The following RAB27B variants were observed in gnomAD, a reference collection of about 807,000 sequenced individuals.
RAB27B encodes the protein RAB27B, member RAS oncogene family.
RAB27B carries 15 observed loss-of-function variants against 24.6 expected under a neutral mutation model. The ratio of observed to expected loss-of-function variants is 0.61; its 90% CI spans 0.41 to 0.94. The LOEUF is 0.94. Ranked by LOEUF, RAB27B falls within the 40% of genes least tolerant of loss-of-function variation. RAB27B has a pLI of 0.00. For missense variants in RAB27B, 261 were observed against 266.8 expected, an observed-to-expected ratio of 0.98 and a Z score of 0.15; for synonymous variants, 105 against 92.5, an observed-to-expected ratio of 1.14 and a Z score of -0.78.
chr18:54,815,796 G>C (rs1289734105), intron 2 of RAB27B, among the ~76,000 whole-genome samples: 1 of 152,014 alleles, frequency 6.6e-6, no homozygotes, highest in Non-Finnish European at 1.5e-5. Context: ...AGCTAATTTT[G>C]TATTTTTAGT....
At chr18:54,881,294 AG>A (rs1433086649) in intron 3 of RAB27B, among the ~76,000 whole-genome samples, 1 of 151,996 alleles carries the variant, frequency 6.6e-6, no homozygotes, top group African/African-American at 2.4e-5. Flanking sequence ...TTGAAGTAGT[AG>A]TTTTATTAGA....
intron 3 of RAB27B, among the ~76,000 whole-genome samples, chr18:54,883,552 T>C (rs1913012115): frequency 6.6e-6 from 1 of 152,134 alleles, no homozygotes; most frequent in South Asian, 2.1e-4. Context: ...TCTCAGCACA[T>C]CTTTAACTTC....
upstream of RAB27B, among the ~76,000 whole-genome samples, chr18:54,825,552 T>C (rs1267643746): frequency 6.6e-6 from 1 of 152,230 alleles, no homozygotes; most frequent in African/African-American, 2.4e-5. Flanking sequence ...CTGTCAGTTT[T>C]TTTGTAAATG....
At chr18:54,841,458 T>G (rs1219935669) in intron 1 of RAB27B, among the ~76,000 whole-genome samples, 1 of 152,170 alleles carries the variant, frequency 6.6e-6, no homozygotes, top group African/African-American at 2.4e-5. Context: ...CACATGTGGA[T>G]TTTAGTATCC....
At chr18:54,874,999 G>A (rs1598984553) in intron 1 of RAB27B, among the ~76,000 whole-genome samples, 1 of 152,266 alleles carries the variant, frequency 6.6e-6, no homozygotes, top group East Asian at 1.9e-4. Flanking sequence ...AATAAGAGCA[G>A]CAACATATTC....
At position 54,818,218 on chromosome 18, in the gene RAB27B, C is replaced by A. The variant is rs1049884970; in HGVS notation, c.-19-59349C>A. ...ATGTATTTGTAATGGTATTGCAATGCCCTTCCTAAAGAGTTAGGGTGGGTC... is the reference window on the plus strand; with the variant it reads ...ATGTATTTGTAATGGTATTGCAATGACCTTCCTAAAGAGTTAGGGTGGGTC... On this transcript the variant is annotated intron_variant, in intron 2 of 4. Coordinates refer to the RAB27B transcript ENST00000586570. 2.0e-5 allele frequency among the ~76,000 whole-genome samples: 3 copies of A among 152,266 alleles called. No homozygotes were observed. In the East Asian group the frequency reaches 5.8e-4, roughly 29 times the overall value.
At chr18:54,803,210 T>C (rs149426542) in intron 2 of RAB27B, among the ~76,000 whole-genome samples, 95 of 152,276 alleles carry the variant, frequency 6.2e-4, no homozygotes, top group African/African-American at 2.3e-3. Flanking sequence ...GTACAGAAAC[T>C]GGGAAAACAA....
intron 2 of RAB27B, among the ~76,000 whole-genome samples, chr18:54,755,479 A>G (rs183934015): frequency 5.9e-5 from 9 of 152,330 alleles, no homozygotes; most frequent in African/African-American, 1.9e-4. Context: ...CATCAGGTTT[A>G]AGGGAGAGTC....
chr18:54,853,971 T>A (rs1205103278), intron 1 of RAB27B, among the ~76,000 whole-genome samples: 1 of 152,206 alleles, frequency 6.6e-6, no homozygotes, highest in Non-Finnish European at 1.5e-5. Context: ...AACTTCCAGA[T>A]GAACAATTTA....
chr18:54,819,825 G>T (rs1337873965), intron 2 of RAB27B, among the ~76,000 whole-genome samples: 1 of 139,550 alleles, frequency 7.2e-6, no homozygotes, highest in Non-Finnish European at 1.5e-5. Flanking sequence ...CTGTGTGCAT[G>T]TATTCTAATT....
chr18:54,888,310 A>G (rs1265673345), intron 5 of RAB27B, among the ~76,000 whole-genome samples, 192 bp downstream of exon 5: 1 of 152,236 alleles, frequency 6.6e-6, no homozygotes, highest in African/African-American at 2.4e-5. Flanking sequence ...CATTTACTGT[A>G]TACCTATAAT....
intron 2 of RAB27B, among the ~76,000 whole-genome samples, chr18:54,801,971 G>T (rs1397459137): frequency 6.6e-6 from 1 of 152,172 alleles, no homozygotes; most frequent in African/African-American, 2.4e-5. Flanking sequence ...AGATGGAACA[G>T]CTGATGGACT....
intron 2 of RAB27B, among the ~76,000 whole-genome samples, chr18:54,725,301 T>G (rs1197570627): frequency 6.6e-6 from 1 of 151,606 alleles, no homozygotes; most frequent in Non-Finnish European, 1.5e-5. Flanking sequence ...TTTTTCTTCC[T>G]TCTGTCTCTG....
At chr18:54,884,126 C>T (rs1913034474) in intron 3 of RAB27B, among the ~76,000 whole-genome samples, 1 of 151,786 alleles carries the variant, frequency 6.6e-6, no homozygotes, top group African/African-American at 2.4e-5. Flanking sequence ...ATCAGAAAGC[C>T]AGGAAGTGGT....
At chr18:54,812,569 A>T (rs143379719) in intron 2 of RAB27B, among the ~76,000 whole-genome samples, 1,939 of 150,742 alleles carry the variant, frequency 0.013, 29 homozygotes, top group African/African-American at 0.045. Flanking sequence ...ACACACACAC[A>T]CACACACACA....
At chr18:54,840,582 T>C (rs1265408145) in intron 1 of RAB27B, among the ~76,000 whole-genome samples, 1 of 151,492 alleles carries the variant, frequency 6.6e-6, no homozygotes, top group Non-Finnish European at 1.5e-5. Flanking sequence ...GCTACTGCTT[T>C]AAATATTCCA....
chr18:54,807,511 C>G (rs1311236343), intron 2 of RAB27B, among the ~76,000 whole-genome samples: 2 of 152,164 alleles, frequency 1.3e-5, no homozygotes, highest in East Asian at 3.9e-4. Flanking sequence ...CTTGACTCAT[C>G]ACTAAGTCTC....
At chr18:54,738,670 A>T (rs896940537) in intron 2 of RAB27B, among the ~76,000 whole-genome samples, 1 of 152,160 alleles carries the variant, frequency 6.6e-6, no homozygotes, top group Admixed American at 6.6e-5. Context: ...AGACATTGCA[A>T]TCAGATTTTT....
intron 1 of RAB27B, among the ~76,000 whole-genome samples, chr18:54,876,250 A>T (rs893553204): frequency 6.6e-6 from 1 of 152,126 alleles, no homozygotes; most frequent in African/African-American, 2.4e-5. Flanking sequence ...AATTACCTCC[A>T]CCTGGTCTCT....
Sources: allele counts gnomAD v4.1 joint callset (sites outside exome capture counted in the v4.1 genomes callset), GRCh38; gene constraint gnomAD v4.1.1; transcripts MANE v1.5; gene names NCBI Gene and HGNC (gene_info 2026-07-23, HGNC 2026-07-21).